WDR18: variants seen among roughly 807,000 people sequenced by gnomAD.
WDR18 encodes WD repeat-containing protein 18.
A neutral mutation model predicts 49.6 loss-of-function variants in WDR18; 33 were observed. That is an observed-to-expected ratio of 0.67 (90% CI 0.50 to 0.89). The LOEUF is 0.89. WDR18 is among the 40% of genes least tolerant of loss of function. The probability of loss-of-function intolerance (pLI) is 0.00; values close to 1 mark genes in which losing one functional copy is unlikely to be tolerated. For missense variants in WDR18, 653 were observed against 593.6 expected (o/e 1.10, Z -1.04); for synonymous variants, 315 against 263.6 (o/e 1.19, Z -1.89).
At chr19:987,828 A>ATTTT (rs2038490267) in intron 2 of WDR18, among the ~76,000 whole-genome samples, 1 of 47,832 alleles carries the variant, frequency 2.1e-5, no homozygotes, top group Non-Finnish European at 3.6e-5. Flanking sequence ...AGCCGCCTCC[A>ATTTT]GTTTTTTTTT....
chr19:989,092 CCCCAGAGCAT>C, intron 2 of WDR18, among the ~76,000 whole-genome samples: 3 of 90,952 alleles, frequency 3.3e-5, no homozygotes, highest in African/African-American at 1.3e-4. Flanking sequence ...ACCCACAACC[CCCCAGAGCAT>C]CTCAGCCCTC....
At position 984,541 on chromosome 19, in the gene WDR18, G is replaced by A; in HGVS notation, c.188G>A (p.Ser63Asn). 6.6e-7 allele frequency: 1 copy of A among 1,510,644 alleles called. No individual in the cohort carries two copies. The allele number at this position is 1,510,644 out of a possible 1,614,324, so 93.6% of individuals were successfully genotyped here. ...GCGCAGCTGGGCAAGAATTACATCA[G>A]CGCCTGGGAGCTCCAGCGGAAGGTG... ...LAAQLGKNYISAWELQRKDQL... is the reference protein window; with the variant it reads ...LAAQLGKNYINAWELQRKDQL... Residue 63 changes from serine to asparagine, a missense_variant, in exon 1 of 10, where the codon AGC (serine) becomes AAC (asparagine). Coordinates refer to ENST00000585809, the MANE Select transcript of WDR18 (RefSeq NM_024100.4).
At position 994,556 on chromosome 19, in the gene WDR18, C is replaced by A; in HGVS notation, c.*212C>A. On this transcript the variant is annotated 3_prime_UTR_variant, in exon 10 of 10. Coordinates refer to ENST00000585809, the MANE Select transcript of WDR18 (RefSeq NM_024100.4). ...GTTTTTAACAAAAGAGGATGAAAAGCCCCTCCTCTCCGGCCTCCTTGTGTC... is the reference window on the plus strand; with the variant it reads ...GTTTTTAACAAAAGAGGATGAAAAGACCCTCCTCTCCGGCCTCCTTGTGTC... 1 of 687,854 alleles carries A rather than the reference C, an allele frequency of 1.5e-6. No individual in the cohort carries two copies. Among genetic ancestry groups the A allele is most frequent in the Non-Finnish European group, 2.4e-6 (1 of 422,820 alleles). The allele number at this position is 687,854 out of a possible 1,614,324, so 42.6% of individuals were successfully genotyped here.
chr19:991,878 G>T (rs1411856793), intron 7 of WDR18, 77 bp from the exon 8 acceptor site: 16 of 1,387,910 alleles, frequency 1.2e-5, no homozygotes, highest in Admixed American at 5.9e-5. Context: ...GGACTGCCCT[G>T]GATGGGGCGG....
At chr19:984,254 C>G (rs2038448931), upstream of WDR18, 1 of 1,260,570 alleles carries the variant, frequency 7.9e-7, no homozygotes, top group Admixed American at 4.1e-5. Flanking sequence ...CGCGGGTCGG[C>G]CACCCGCTGG....
At chr19:988,552 C>G (rs1018567080) in intron 2 of WDR18, among the ~76,000 whole-genome samples, 12 of 152,218 alleles carry the variant, frequency 7.9e-5, no homozygotes, top group Admixed American at 3.3e-4. Flanking sequence ...GCATGGCTGT[C>G]AGATCTGGGC....
Position 991,062 on chromosome 19 carries a change from C to A in WDR18, c.742-19C>A. The A allele has an allele frequency of 6.2e-7, 1 of 1,602,384 alleles. No homozygotes were observed. Among genetic ancestry groups the A allele is most frequent in the Non-Finnish European group, 8.5e-7 (1 of 1,174,076 alleles). ...GAGGGCATCGGGCCTGCGGCTCACA[C>A]ACGTCTCGGCCTTCGCAGCCCGGAC... On this transcript the variant is annotated intron_variant, in intron 5 of 9. Transcript: ENST00000585809.
In WDR18 at chr19:991,967, A is replaced by G; in HGVS notation, c.944A>G (p.Asn315Ser). Residue 315 changes from asparagine (N) to serine (S), a missense_variant, in exon 8 of 10, where the codon AAT (asparagine) becomes AGT (serine). By Grantham distance (46) the Asn-to-Ser change is conservative. Coordinates refer to ENST00000585809, the MANE Select transcript of WDR18 (RefSeq NM_024100.4). ...RTVALKGPVT[N>S]AAILLAPVSM... Reference sequence around the variant, plus strand: ...CCGCGCCCCCCAGGCCCAGTCACCAATGCCGCCATCCTGCTGGCGCCCGTC... The same window carrying G: ...CCGCGCCCCCCAGGCCCAGTCACCAGTGCCGCCATCCTGCTGGCGCCCGTC... The G allele has an allele frequency of 6.3e-7, 1 of 1,590,376 alleles. No individual in the cohort carries two copies. Among genetic ancestry groups the G allele is most frequent in the Non-Finnish European group, 8.5e-7 (1 of 1,173,808 alleles).
intron 1 of WDR18, 128 bp from the exon 2 acceptor site, chr19:985,737 T>C: frequency 1.3e-6 from 1 of 791,748 alleles, no homozygotes; most frequent in Non-Finnish European, 2.1e-6. Flanking sequence ...CAAACCACCC[T>C]GCTCCCGACT....
upstream of WDR18, among the ~76,000 whole-genome samples, chr19:983,985 T>C (rs2038445793): frequency 6.6e-6 from 1 of 152,186 alleles, no homozygotes; most frequent in Admixed American, 6.5e-5. Context: ...TTTAGGCCTG[T>C]GACGTCGGAA....
At chr19:988,914 T>C (rs930563106) in intron 2 of WDR18, among the ~76,000 whole-genome samples, 1 of 152,084 alleles carries the variant, frequency 6.6e-6, no homozygotes, top group African/African-American at 2.4e-5. Flanking sequence ...TGCGTCTAAA[T>C]GAGGCCATTC....
At chr19:983,554 G>A (rs1203657366), upstream of WDR18, among the ~76,000 whole-genome samples, 2 of 144,944 alleles carry the variant, frequency 1.4e-5, no homozygotes, top group Non-Finnish European at 3.0e-5. Flanking sequence ...GAGCCAAAGC[G>A]CCCGGCCTTT....
Position 991,969 on chromosome 19 carries a change from G to A in WDR18, c.946G>A (p.Ala316Thr). 6.3e-7 allele frequency: 1 copy of A among 1,590,936 alleles called. No individual in the cohort carries two copies. Among genetic ancestry groups the A allele is most frequent in the South Asian group, 1.1e-5 (1 of 89,306 alleles). The change falls in exon 8 of 10, where the codon GCC (alanine) becomes ACC (threonine). Residue 316 changes from alanine to threonine, a missense_variant. Transcript: ENST00000585809. ...GCGCCCCCCAGGCCCAGTCACCAAT[G>A]CCGCCATCCTGCTGGCGCCCGTCAG... ...TVALKGPVTN[A>T]AILLAPVSML... is the part of the protein sequence containing the mutation.
chr19:986,671 CTGT>C (rs1249982727), intron 2 of WDR18, among the ~76,000 whole-genome samples: 3 of 152,206 alleles, frequency 2.0e-5, no homozygotes, highest in Non-Finnish European at 2.9e-5. Context: ...ACAGAGTGAA[CTGT>C]TCAGGCTTTG....
At position 991,236 on chromosome 19, in the gene WDR18, G is replaced by A; in HGVS notation, c.816G>A (p.Val272=). The A allele has an allele frequency of 6.4e-7, 1 of 1,574,534 alleles. No individual in the cohort carries two copies. Among genetic ancestry groups the A allele is most frequent in the Non-Finnish European group, 8.6e-7 (1 of 1,158,536 alleles). The change falls in exon 7 of 10, where the codon GTG becomes GTA. Residue 272 remains valine (V), a synonymous_variant. Transcript: ENST00000585809. ...GKVFKGHRNQ[V]TCLSVSTDGS... ...CTGTCTGTCTGTCCAGGAACCAGGT[G>A]ACTTGCCTGTCAGTGTCCACTGACG... is the stretch of plus-strand genomic sequence containing the variant.
chr19:990,534 G>A, intron 4 of WDR18, 170 bp downstream of exon 4: 2 of 1,067,738 alleles, frequency 1.9e-6, no homozygotes, highest in South Asian at 3.7e-5. Context: ...CTGCCAGCCT[G>A]GAAATTCCTA....
rs1353556040 is a variant in WDR18, at chr19:984,389, C to T, written c.36C>T (p.Asp12=). ...CCATGGAGGTGGCCGTGTGTACGGACTCGGCGGCCCCGATGTGGAGCTGCA... is the reference window on the plus strand; with the variant it reads ...CCATGGAGGTGGCCGTGTGTACGGATTCGGCGGCCCCGATGTGGAGCTGCA... ...AAPMEVAVCT[D]SAAPMWSCIV... The change falls in exon 1 of 10, where the codon GAC becomes GAT. Residue 12 remains aspartate (D), a synonymous_variant. Transcript: ENST00000585809. 1 of 1,601,092 alleles carries T rather than the reference C, an allele frequency of 6.2e-7. No homozygotes were observed. Among genetic ancestry groups the T allele is most frequent in the East Asian group, 2.3e-5 (1 of 43,150 alleles).
Position 990,321 on chromosome 19 carries a change from C to T in WDR18, c.554C>T (p.Pro185Leu), listed in dbSNP as rs749216553. The T allele has an allele frequency of 1.2e-5, 19 of 1,594,310 alleles. No homozygotes were observed. The highest frequency in any genetic ancestry group is 1.6e-5 in the Non-Finnish European group (19 of 1,176,992). The change falls in exon 4 of 10, where the codon CCC becomes CTC. Residue 185 changes from proline to leucine, a missense_variant. By Grantham distance (98) the Pro-to-Leu change is moderately conservative. Transcript: ENST00000585809. ...ITDLHCGFGGPLARVATSSLD... is the reference protein window; with the variant it reads ...ITDLHCGFGGLLARVATSSLD... ...GACCTGCACTGCGGCTTTGGGGGCC[C>T]CCTGGCCCGGGTGGCCACCTCCTCA...
In WDR18 at chr19:990,293, A is replaced by G; in HGVS notation, c.526A>G (p.Thr176Ala). The G allele has an allele frequency of 6.3e-7, 1 of 1,598,584 alleles. No homozygotes were observed. The highest frequency in any genetic ancestry group is 1.1e-5 in the South Asian group (1 of 90,730). ...HVWSHHALPI[T>A]DLHCGFGGPL... ...CTGGTCTCACCACGCGCTCCCCATC[A>G]CGGACCTGCACTGCGGCTTTGGGGG... is the stretch of plus-strand genomic sequence containing the variant. Residue 176 changes from threonine (T) to alanine (A), a missense_variant, in exon 4 of 10, where the codon ACG becomes GCG. Transcript: ENST00000585809.
Sources: allele counts gnomAD v4.1 joint callset (sites outside exome capture counted in the v4.1 genomes callset), GRCh38; gene constraint gnomAD v4.1.1; transcripts MANE v1.5; gene names NCBI Gene and HGNC (gene_info 2026-07-23, HGNC 2026-07-21).